Variants in MBTPS1 observed in about 807,000 individuals in gnomAD.
MBTPS1 encodes membrane-bound transcription factor site-1 protease.
In MBTPS1, 94 loss-of-function variants were observed where a neutral mutation model predicts 127.8. The ratio of observed to expected loss-of-function variants is 0.74; its 90% CI spans 0.62 to 0.87. The LOEUF (loss-of-function observed/expected upper bound fraction) is 0.87, where lower values mean the gene tolerates loss of function less well. Ranked by LOEUF, MBTPS1 falls within the 40% of genes least tolerant of loss-of-function variation. The pLI is 0.00. For missense variants in MBTPS1, 1,636 were observed against 1,353.2 expected (o/e 1.21, Z -3.28); for synonymous variants, 632 against 509.4 (o/e 1.24, Z -3.24).
chr16:84,112,962 G>C (rs555156167), intron 1 of MBTPS1, among the ~76,000 whole-genome samples: 1 of 132,374 alleles, frequency 7.6e-6, no homozygotes, highest in African/African-American at 2.9e-5. Context: ...GAGACAGAGC[G>C]AGATGCCATC....
chr16:84,069,353 G>A (rs1384000393), intron 14 of MBTPS1, among the ~76,000 whole-genome samples: 1 of 152,224 alleles, frequency 6.6e-6, no homozygotes, highest in Non-Finnish European at 1.5e-5. Flanking sequence ...GTCACACCAG[G>A]GGGCTTGGCC....
chr16:84,054,699 G>A (rs1251726434), intron 22 of MBTPS1, 54 bp from the exon 23 acceptor site: 19 of 1,391,812 alleles, frequency 1.4e-5, no homozygotes, highest in Admixed American at 2.4e-5. Context: ...CTACCATGAC[G>A]GCCTTTTTCT....
Position 84,090,946 on chromosome 16 carries a change from CA to C in MBTPS1, c.964-5del, listed in dbSNP as rs1411935045. On this transcript the variant is annotated splice_polypyrimidine_tract_variant and splice_region_variant and intron_variant, in intron 7 of 22. Coordinates refer to ENST00000343411, the MANE Select transcript of MBTPS1 (RefSeq NM_003791.4). ...TGTTAGCTGTTAATTCCCACACCTA[CA>C]AAAGGAGCATTTATTTAATGAAAGT... The C allele has an allele frequency of 9.5e-6, 15 of 1,579,998 alleles. No homozygotes were observed. Among genetic ancestry groups the C allele is most frequent in the Non-Finnish European group, 1.3e-5 (15 of 1,158,190 alleles).
At chr16:84,066,148 G>C (rs1273795774) in intron 17 of MBTPS1, among the ~76,000 whole-genome samples, 1 of 152,174 alleles carries the variant, frequency 6.6e-6, no homozygotes, top group Admixed American at 6.5e-5. Context: ...AACCTTACCT[G>C]TGGGGGAACT....
At chr16:84,068,511 A>G (rs977539620) in intron 14 of MBTPS1, 57 bp from the exon 15 acceptor site, 21 of 1,258,100 alleles carry the variant, frequency 1.7e-5, no homozygotes, top group African/African-American at 1.3e-4. Flanking sequence ...CAATAAAGGC[A>G]TATCTGGCCA....
chr16:84,070,533 T>C, intron 13 of MBTPS1, 55 bp downstream of exon 13: 1 of 1,581,014 alleles, frequency 6.3e-7, no homozygotes, highest in Non-Finnish European at 8.6e-7. Flanking sequence ...TGTCCCTCCC[T>C]GAAAGGTGAT....
chr16:84,079,423 C>T (rs772918964), intron 11 of MBTPS1, among the ~76,000 whole-genome samples: 13 of 152,056 alleles, frequency 8.5e-5, no homozygotes, highest in Non-Finnish European at 1.3e-4. Flanking sequence ...AATACAAACA[C>T]GAATAAATGA....
chr16:84,078,173 G>C lies in MBTPS1; in HGVS notation c.1449-3432C>G, dbSNP rs138987981. Reference sequence around the variant, plus strand: ...AAAGCAATGCCTAACAGAGCTACCCGATGCTCTCAACGCTGACCAGCAGTG... The same window carrying C: ...AAAGCAATGCCTAACAGAGCTACCCCATGCTCTCAACGCTGACCAGCAGTG... On this transcript the variant is annotated intron_variant, in intron 11 of 22. Transcript: ENST00000343411. 9.6e-3 allele frequency among the ~76,000 whole-genome samples: 1,461 copies of C among 152,326 alleles called. 11 individuals are homozygous for C. Among genetic ancestry groups the C allele is most frequent in the Non-Finnish European group, 0.013 (872 of 68,030 alleles).
chr16:84,092,227 CT>C (rs1416747887), intron 6 of MBTPS1, among the ~76,000 whole-genome samples: 1 of 152,186 alleles, frequency 6.6e-6, no homozygotes, highest in African/African-American at 2.4e-5. Flanking sequence ...AATAGTTCAA[CT>C]TATCTATCTA....
At chr16:84,073,670 CAA>C (rs2085806432) in intron 12 of MBTPS1, among the ~76,000 whole-genome samples, 2 of 146,892 alleles carry the variant, frequency 1.4e-5, no homozygotes, top group South Asian at 4.4e-4. Flanking sequence ...ATTTACAAAA[CAA>C]TATTAAAAAA....
At chr16:84,092,886 G>T (rs2086128769) in intron 6 of MBTPS1, among the ~76,000 whole-genome samples, 1 of 152,146 alleles carries the variant, frequency 6.6e-6, no homozygotes, top group South Asian at 2.1e-4. Flanking sequence ...ACCGACCCAG[G>T]GTACAGAGGC....
chr16:84,087,533 AT>A, intron 8 of MBTPS1, 73 bp from the exon 9 acceptor site: 1 of 1,012,674 alleles, frequency 9.9e-7, no homozygotes, highest in Non-Finnish European at 1.5e-6. Context: ...AAAATGGATG[AT>A]TCAAACCAGG....
chr16:84,106,121 C>A (rs2086320294), intron 1 of MBTPS1, among the ~76,000 whole-genome samples: 1 of 151,992 alleles, frequency 6.6e-6, no homozygotes, highest in Non-Finnish European at 1.5e-5. Context: ...ATGGTGAAAC[C>A]CCACCTCTAC....
At chr16:84,116,664 C>T (rs1457058376) in intron 1 of MBTPS1, 71 bp downstream of exon 1, 2 of 152,002 alleles carry the variant, frequency 1.3e-5, no homozygotes, top group African/African-American at 2.4e-5. Context: ...GCAACCGGCA[C>T]ACCTGAGCGA....
intron 18 of MBTPS1, among the ~76,000 whole-genome samples, chr16:84,065,357 T>G (rs2085666392): frequency 6.6e-6 from 1 of 152,190 alleles, no homozygotes; most frequent in African/African-American, 2.4e-5. Context: ...GACCTCATGA[T>G]CTGCCTGCCT....
intron 11 of MBTPS1, among the ~76,000 whole-genome samples, chr16:84,081,067 C>G (rs912538541): frequency 6.6e-6 from 1 of 152,280 alleles, no homozygotes; most frequent in East Asian, 1.9e-4. Flanking sequence ...GGACAATGGG[C>G]GGAATCTGCG....
intron 18 of MBTPS1, among the ~76,000 whole-genome samples, chr16:84,064,001 CAT>C (rs1224897176): frequency 2.6e-5 from 4 of 152,182 alleles, no homozygotes; most frequent in Non-Finnish European, 4.4e-5. Context: ...CACAAAGACA[CAT>C]GTTCCAATAG....
chr16:84,093,305 C>G lies in MBTPS1; in HGVS notation c.737-8G>C. The G allele has an allele frequency of 1.9e-6, 3 of 1,584,412 alleles. No individual in the cohort carries two copies. The highest frequency in any genetic ancestry group is 1.3e-5 in the African/African-American group (1 of 74,534). On this transcript the variant is annotated splice_region_variant and splice_polypyrimidine_tract_variant and intron_variant, in intron 5 of 22. Transcript: ENST00000343411. ...ATGTGCCATGGCCCAACCCTGCAGT[C>G]CATAAAGAAAACAATCCCATAAAAC...
chr16:84,082,218 G>C (rs910028409), intron 10 of MBTPS1: 12 of 174,014 alleles, frequency 6.9e-5, no homozygotes, highest in Non-Finnish European at 1.3e-4. Flanking sequence ...AGGAGGTACT[G>C]ACTCCTCTGG....
Sources: allele counts gnomAD v4.1 joint callset (sites outside exome capture counted in the v4.1 genomes callset), GRCh38; gene constraint gnomAD v4.1.1; transcripts MANE v1.5; gene names NCBI Gene and HGNC (gene_info 2026-07-23, HGNC 2026-07-21).